The following LAMA2 variants were observed in gnomAD, a reference collection of about 807,000 sequenced individuals.
The protein encoded by LAMA2 is laminin subunit alpha 2.
LAMA2 carries 269 observed loss-of-function variants against 364.8 expected under a neutral mutation model. The ratio of observed to expected loss-of-function variants is 0.74; its 90% CI spans 0.67 to 0.82. The LOEUF is 0.82. LAMA2 is among the 40% of genes least tolerant of loss of function. The pLI is 0.00. For synonymous variants in LAMA2, 1,379 were observed against 1,370.6 expected (o/e 1.01, Z -0.14); for missense variants, 3,807 against 3,873.2 (o/e 0.98, Z 0.45).
chr6:129,309,898 A>C (rs1392573486), intron 22 of LAMA2, among the ~76,000 whole-genome samples: 1 of 139,012 alleles, frequency 7.2e-6, no homozygotes, highest in Non-Finnish European at 1.5e-5. Context: ...TAATCCTGAT[A>C]ATCATTTTTT....
At position 129,391,559 on chromosome 6, in the gene LAMA2, T is replaced by C. The variant is rs572008421; in HGVS notation, c.5140T>C (p.Leu1714=). Residue 1714 remains leucine, a synonymous_variant, in exon 36 of 65, where the codon TTG becomes CTG. Coordinates refer to ENST00000421865, the MANE Select transcript of LAMA2 (RefSeq NM_000426.4). ...TCGAGACGAGGCCTTTGAGAGAAATTTGGAAGGGCTTCAGAAAGAGATTGA... is the reference window on the plus strand; with the variant it reads ...TCGAGACGAGGCCTTTGAGAGAAATCTGGAAGGGCTTCAGAAAGAGATTGA... ...GTRDEAFERN[L]EGLQKEIDQM... is the part of the protein sequence containing the mutation. 1.3e-4 allele frequency: 210 copies of C among 1,613,782 alleles called. 1 individual carries two copies. In the South Asian group the frequency reaches 2.2e-3, roughly 17 times the overall value.
intron 48 of LAMA2, among the ~76,000 whole-genome samples, chr6:129,458,423 G>T (rs1024624090): frequency 6.6e-6 from 1 of 151,982 alleles, no homozygotes; most frequent in African/African-American, 2.4e-5. Flanking sequence ...TTTTGGCCAA[G>T]AATTTCAAGA....
intron 8 of LAMA2, chr6:129,158,758 T>G: frequency 1.2e-6 from 2 of 1,614,220 alleles, no homozygotes; most frequent in African/African-American, 1.3e-5. Context: ...AACATTCTAT[T>G]GTCCGGCGTA....
In LAMA2 at chr6:129,098,371, T is replaced by A. The variant is rs886043693; in HGVS notation, c.595T>A (p.Cys199Ser). 5.0e-6 allele frequency: 8 copies of A among 1,614,056 alleles called. No homozygotes were observed. Among genetic ancestry groups the A allele is most frequent in the Non-Finnish European group, 5.9e-6 (7 of 1,179,932 alleles). Residue 199 changes from cysteine to serine, a missense_variant, in exon 4 of 65, where the codon TGC (cysteine) becomes AGC (serine). Transcript: ENST00000421865. ...PSYAKDDEVI[C>S]TSFYSKIHPL... is the part of the protein sequence containing the mutation. Reference sequence around the variant, plus strand: ...ATATGCCAAAGATGATGAGGTCATCTGCACTTCATTTTACTCCAAGATACA... The same window carrying A: ...ATATGCCAAAGATGATGAGGTCATCAGCACTTCATTTTACTCCAAGATACA...
chr6:129,283,628 A>G (rs1788887412), intron 18 of LAMA2, among the ~76,000 whole-genome samples: 1 of 151,384 alleles, frequency 6.6e-6, no homozygotes, highest in Non-Finnish European at 1.5e-5. Context: ...TAATTGCTTA[A>G]TATTTTGAAA....
At chr6:129,271,769 A>G (rs1158710511) in intron 17 of LAMA2, among the ~76,000 whole-genome samples, 3 of 152,156 alleles carry the variant, frequency 2.0e-5, no homozygotes, top group African/African-American at 4.8e-5. Flanking sequence ...CACTGTGACA[A>G]CACTGACAGA....
chr6:128,923,179 C>T (rs1232302428), intron 1 of LAMA2, among the ~76,000 whole-genome samples: 2 of 147,496 alleles, frequency 1.4e-5, no homozygotes, highest in Non-Finnish European at 3.0e-5. Context: ...TTAGGATTGA[C>T]TTGGCGATGC....
intron 4 of LAMA2, among the ~76,000 whole-genome samples, chr6:129,113,958 T>C (rs181070729): frequency 5.9e-4 from 89 of 152,130 alleles, no homozygotes; most frequent in African/African-American, 2.1e-3. Flanking sequence ...CTTCCTTTCG[T>C]TGAAAATAAC....
chr6:129,148,735 C>A (rs1391733019), intron 6 of LAMA2, among the ~76,000 whole-genome samples: 1 of 152,070 alleles, frequency 6.6e-6, no homozygotes, highest in African/African-American at 2.4e-5. Flanking sequence ...CCCAGCTGGG[C>A]CTTCCTGCTT....
chr6:129,142,137 C>T (rs939392593), intron 4 of LAMA2, among the ~76,000 whole-genome samples: 1 of 151,888 alleles, frequency 6.6e-6, no homozygotes, highest in African/African-American at 2.4e-5. Context: ...AGGTTATTTC[C>T]AGTCCTTTGA....
chr6:129,201,893 G>GA (rs1026868773), intron 12 of LAMA2, among the ~76,000 whole-genome samples: 2 of 151,954 alleles, frequency 1.3e-5, no homozygotes, highest in Non-Finnish European at 2.9e-5. Context: ...AAAGCAATCA[G>GA]AAAAAAACTA....
intron 4 of LAMA2, among the ~76,000 whole-genome samples, chr6:129,108,548 C>T (rs77365306): frequency 6.6e-6 from 1 of 151,978 alleles, no homozygotes. Flanking sequence ...TCCTTAATCC[C>T]GCCCCTCTAC....
At chr6:129,317,877 T>C (rs887375601) in intron 27 of LAMA2, among the ~76,000 whole-genome samples, 1 of 152,080 alleles carries the variant, frequency 6.6e-6, no homozygotes, top group Non-Finnish European at 1.5e-5. Context: ...CAATTTCACC[T>C]TCCTACACTG....
chr6:129,390,306 T>C (rs528248245), intron 35 of LAMA2, among the ~76,000 whole-genome samples: 2 of 152,144 alleles, frequency 1.3e-5, no homozygotes, highest in Admixed American at 1.3e-4. Flanking sequence ...AAGGTGGTGA[T>C]GCTGCTGCTG....
chr6:128,934,902 A>G (rs112674010), intron 1 of LAMA2, among the ~76,000 whole-genome samples: 13,378 of 152,184 alleles, frequency 0.088, 1,152 homozygotes, highest in African/African-American at 0.22. Context: ...CATTTTAACA[A>G]TATTAGTTCT....
At chr6:128,885,096 C>T (rs981360883) in intron 1 of LAMA2, among the ~76,000 whole-genome samples, 3 of 152,262 alleles carry the variant, frequency 2.0e-5, no homozygotes, top group African/African-American at 7.2e-5. Flanking sequence ...TTAAATGCTA[C>T]ATACAATAAG....
intron 1 of LAMA2, among the ~76,000 whole-genome samples, chr6:128,908,244 G>A (rs1225045164): frequency 2.7e-5 from 4 of 150,836 alleles, no homozygotes; most frequent in Non-Finnish European, 4.4e-5. Context: ...GGTAGAATTC[G>A]GCTGTGAATC....
At chr6:129,074,738 A>C (rs1477384711) in intron 3 of LAMA2, among the ~76,000 whole-genome samples, 1 of 152,228 alleles carries the variant, frequency 6.6e-6, no homozygotes, top group African/African-American at 2.4e-5. Flanking sequence ...TTCAATATTA[A>C]AACAATAATT....
chr6:129,473,437 A>G (rs189778208), intron 52 of LAMA2, 85 bp downstream of exon 52: 79 of 1,317,710 alleles, frequency 6.0e-5, no homozygotes, highest in African/African-American at 1.6e-4. Context: ...TTTAATTACA[A>G]TAAGAATGTC....
Sources: gnomAD v4.1 joint callset for allele counts (sites outside exome capture counted in the v4.1 genomes callset) on GRCh38, gnomAD v4.1.1 for gene constraint, MANE v1.5 for transcripts, NCBI Gene and HGNC (gene_info 2026-07-23, HGNC 2026-07-21) for gene names.